Variants in C5orf52 observed in about 807,000 individuals in gnomAD.
The protein encoded by C5orf52 is chromosome 5 open reading frame 52, also known as uncharacterized protein C5orf52.
In C5orf52, 15 loss-of-function variants were observed where a neutral mutation model predicts 16.8. The ratio of observed to expected loss-of-function variants is 0.89; its 90% CI spans 0.60 to 1.38. The LOEUF is 1.38. C5orf52 is among the 40% of genes most tolerant of loss of function. The probability of loss-of-function intolerance (pLI) is 0.00; values close to 1 mark genes in which losing one functional copy is unlikely to be tolerated. For synonymous variants in C5orf52, 83 were observed against 87.2 expected, an observed-to-expected ratio of 0.95 and a Z score of 0.27; for missense variants, 206 against 213.1, an observed-to-expected ratio of 0.97 and a Z score of 0.21.
chr5:157,676,261 C>T (rs1291044367), intron 2 of C5orf52, among the ~76,000 whole-genome samples: 3 of 152,054 alleles, frequency 2.0e-5, no homozygotes, highest in Admixed American at 1.3e-4. Context: ...TTAGTAGAGA[C>T]GGGGTTTCAC....
Position 157,671,537 on chromosome 5 carries a change from C to A in C5orf52, c.-78C>A. 4 of 1,266,406 alleles carry A rather than the reference C, an allele frequency of 3.2e-6. No homozygotes were observed. The highest frequency in any genetic ancestry group is 4.4e-6 in the Non-Finnish European group (4 of 915,948). The allele number at this position is 1,266,406 out of a possible 1,614,324, so 78.4% of individuals were successfully genotyped here. On this transcript the variant is annotated 5_prime_UTR_variant, in exon 1 of 3. Transcript: ENST00000409999. ...CAGGGCTCCGCCCAGGGACTCACTC[C>A]GCGTCAGCGCGCGCCCACCTAGGTG...
chr5:157,673,716 T>A (rs1167823654), intron 1 of C5orf52, among the ~76,000 whole-genome samples: 1 of 151,898 alleles, frequency 6.6e-6, no homozygotes, highest in East Asian at 1.9e-4. Context: ...GGTAAAGTAG[T>A]TCACTGCAAC....
chr5:157,678,673 C>A (rs1375600909), intron 2 of C5orf52, among the ~76,000 whole-genome samples: 1 of 152,144 alleles, frequency 6.6e-6, no homozygotes. Context: ...GTTGGCCAGG[C>A]TGATCTCAAA....
Position 157,671,796 on chromosome 5 carries a change from C to G in C5orf52, c.182C>G (p.Pro61Arg). 2 of 1,544,628 alleles carry G rather than the reference C, an allele frequency of 1.3e-6. No individual in the cohort carries two copies. The highest frequency in any genetic ancestry group is 1.7e-6 in the Non-Finnish European group (2 of 1,143,546). Reference protein sequence around the residue: ...GGQPQICFPRPRSAQQPVLFS... With the variant: ...GGQPQICFPRRRSAQQPVLFS... The stretch of plus-strand genomic sequence containing the variant: ...CAGCCGCAGATCTGCTTTCCGCGGC[C>G]GAGGTCCGCGCAGCAGCCGGTGCTG... The change falls in exon 1 of 3, where the codon CCG (proline) becomes CGG (arginine). Residue 61 changes from proline to arginine, a missense_variant. Coordinates refer to ENST00000409999, the MANE Select transcript of C5orf52 (RefSeq NM_001145132.2).
At position 157,676,871 on chromosome 5, in the gene C5orf52, CT is replaced by C. The variant is rs35620575; in HGVS notation, c.321+1686del. On this transcript the variant is annotated intron_variant, in intron 2 of 2. Coordinates refer to ENST00000409999, the MANE Select transcript of C5orf52 (RefSeq NM_001145132.2). Reference sequence around the variant, plus strand: ...CCTTTTTTTAATTTCCTTTTTTTTTCTTTTTTTTTTTTTTTGAGACAGGGTC... The same window carrying C: ...CCTTTTTTTAATTTCCTTTTTTTTTCTTTTTTTTTTTTTTGAGACAGGGTC... Among the ~76,000 whole-genome samples, 535 of 97,102 alleles carry C rather than the reference CT, an allele frequency of 5.5e-3. 2 individuals carry two copies. The highest frequency in any genetic ancestry group is 0.019 in the Middle Eastern group (3 of 162). The allele number at this position is 97,102 out of a possible 152,430, so 63.7% of individuals were successfully genotyped here. A position where few individuals can be genotyped will look rare whatever the true frequency, so the allele number is the denominator to read the frequency against.
chr5:157,680,116 T>A lies in C5orf52; in HGVS notation c.*117T>A. 1 of 926,282 alleles carries A rather than the reference T, an allele frequency of 1.1e-6. No homozygotes were observed. Among genetic ancestry groups the A allele is most frequent in the Non-Finnish European group, 1.6e-6 (1 of 622,164 alleles). The allele number at this position is 926,282 out of a possible 1,614,324, so 57.4% of individuals were successfully genotyped here. A position where few individuals can be genotyped will look rare whatever the true frequency, so the allele number is the denominator to read the frequency against. On this transcript the variant is annotated 3_prime_UTR_variant, in exon 3 of 3. Transcript: ENST00000409999. ...CTAGTAACTACAACCTACACAACTGTAGAACAATAAACAGAAACCAGCAGA... is the reference window on the plus strand; with the variant it reads ...CTAGTAACTACAACCTACACAACTGAAGAACAATAAACAGAAACCAGCAGA...
At chr5:157,675,027 C>T in intron 1 of C5orf52, 65 bp from the exon 2 acceptor site, 1 of 1,055,432 alleles carries the variant, frequency 9.5e-7, no homozygotes, top group Admixed American at 2.0e-5. Context: ...AGGACCCCAT[C>T]AAATGTGCTC....
At chr5:157,674,588 T>C (rs918125069) in intron 1 of C5orf52, among the ~76,000 whole-genome samples, 1 of 152,096 alleles carries the variant, frequency 6.6e-6, no homozygotes, top group African/African-American at 2.4e-5. Context: ...TCCAACATGG[T>C]GAAACCCCGT....
chr5:157,671,504 G>C (rs1759788650), upstream of C5orf52: 1 of 868,832 alleles, frequency 1.2e-6, no homozygotes, highest in Non-Finnish European at 1.7e-6. Flanking sequence ...AACGCGCCGC[G>C]CTCGGTTCAG....
intron 1 of C5orf52, among the ~76,000 whole-genome samples, chr5:157,674,712 G>C (rs543322659): frequency 4.6e-5 from 7 of 152,236 alleles, no homozygotes; most frequent in African/African-American, 1.4e-4. Context: ...TTTGCAGTAA[G>C]CCAAGATTGC....
Position 157,671,632 on chromosome 5 carries a change from G to GC in C5orf52, c.21dup (p.Ser8LeufsTer5). On this transcript the variant is annotated frameshift_variant, in exon 1 of 3. Transcript: ENST00000409999. LOFTEE classifies it high-confidence loss of function. ...AAGCCGCAATGACACAGCCGACTAG[G>GC]CCCTCGGTCACCTGTGACCAGGGAT... 6.4e-7 allele frequency: 1 copy of GC among 1,550,460 alleles called. No homozygotes were observed. The highest frequency in any genetic ancestry group is 8.7e-7 in the Non-Finnish European group (1 of 1,146,414).
At chr5:157,676,871 CTTTTTTTTT>C (rs35620575) in intron 2 of C5orf52, among the ~76,000 whole-genome samples, 2 of 97,136 alleles carry the variant, frequency 2.1e-5, no homozygotes, top group African/African-American at 4.1e-5. Context: ...CTTTTTTTTT[CTTTTTTTTT>C]TTTTTTGAGA....
chr5:157,680,104 C>G lies in C5orf52; in HGVS notation c.*105C>G. ...ACCCGAGGAGAACTAGTAACTACAA[C>G]CTACACAACTGTAGAACAATAAACA... On this transcript the variant is annotated 3_prime_UTR_variant, in exon 3 of 3. Coordinates refer to ENST00000409999, the MANE Select transcript of C5orf52 (RefSeq NM_001145132.2). The G allele has an allele frequency of 2.0e-6, 2 of 992,644 alleles. No homozygotes were observed. The highest frequency in any genetic ancestry group is 1.6e-5 in the African/African-American group (1 of 60,844). 61.5% of individuals were successfully genotyped at this position (992,644 alleles called of 1,614,324 possible). A position where few individuals can be genotyped will look rare whatever the true frequency, so the allele number is the denominator to read the frequency against.
intron 2 of C5orf52, among the ~76,000 whole-genome samples, chr5:157,679,545 C>G (rs1759968719): frequency 6.6e-6 from 1 of 152,152 alleles, no homozygotes; most frequent in Admixed American, 6.5e-5. Flanking sequence ...CCTTGTTGGC[C>G]AGGCTGCTCT....
chr5:157,675,347 T>A, intron 2 of C5orf52, 147 bp downstream of exon 2: 1 of 586,314 alleles, frequency 1.7e-6, no homozygotes, highest in Non-Finnish European at 3.0e-6. Context: ...GAGGAGGCAA[T>A]TGATACTCGG....
intron 1 of C5orf52, among the ~76,000 whole-genome samples, chr5:157,673,421 A>G (rs1759834462): frequency 6.6e-6 from 1 of 152,096 alleles, no homozygotes; most frequent in Non-Finnish European, 1.5e-5. Context: ...ATTTTGGTGC[A>G]TTTTGTTCAG....
At chr5:157,676,861 C>CTTT (rs61514085) in intron 2 of C5orf52, among the ~76,000 whole-genome samples, 6 of 134,872 alleles carry the variant, frequency 4.4e-5, no homozygotes, top group South Asian at 2.3e-4. Context: ...TTTTAATTTC[C>CTTT]TTTTTTTTTC....
chr5:157,679,338 T>C (rs1390604714), intron 2 of C5orf52, among the ~76,000 whole-genome samples: 1 of 151,856 alleles, frequency 6.6e-6, no homozygotes, highest in Non-Finnish European at 1.5e-5. Context: ...ATAGAAGAAA[T>C]AAGTAGAATT....
intron 2 of C5orf52, among the ~76,000 whole-genome samples, chr5:157,676,819 C>G (rs538813933): frequency 6.6e-6 from 1 of 151,828 alleles, no homozygotes; most frequent in African/African-American, 2.4e-5. Flanking sequence ...GGTATGTCTT[C>G]CATTCTCTCT....
Sources: gnomAD v4.1 joint callset for allele counts (sites outside exome capture counted in the v4.1 genomes callset) on GRCh38, gnomAD v4.1.1 for gene constraint, MANE v1.5 for transcripts, NCBI Gene and HGNC (gene_info 2026-07-23, HGNC 2026-07-21) for gene names.